KIF21A: variants seen among roughly 807,000 people sequenced by gnomAD.
The protein encoded by KIF21A is kinesin-like protein KIF21A.
Under a neutral mutation model 202.9 loss-of-function variants are expected in KIF21A, and 114 were observed. The observed-to-expected ratio is 0.56, with a 90% CI of 0.48 to 0.66. The LOEUF (loss-of-function observed/expected upper bound fraction) is 0.66. Among genes scored for constraint, KIF21A ranks in the 30% least tolerant of loss-of-function variants. The pLI is 0.00. For synonymous variants in KIF21A, 667 were observed against 670.8 expected (o/e 0.99, Z 0.09); for missense variants, 1,677 against 1,994.9 (o/e 0.84, Z 3.04).
intron 1 of KIF21A, among the ~76,000 whole-genome samples, chr12:39,415,110 G>A (rs1953440677): frequency 6.6e-6 from 1 of 151,422 alleles, no homozygotes; most frequent in Non-Finnish European, 1.5e-5. Context: ...TCTTAGGAAG[G>A]CTGTTCAACA....
Position 39,330,757 on chromosome 12 carries a change from T to C in KIF21A, c.3308A>G (p.His1103Arg). The change falls in exon 23 of 38, where the codon CAT (histidine) becomes CGT (arginine). Residue 1103 changes from histidine (H) to arginine (R), a missense_variant. This residue lies in a region of KIF21A where 705 missense variants were observed against 791.9 expected (regional missense o/e 0.89). Coordinates refer to ENST00000361418, the MANE Select transcript of KIF21A (RefSeq NM_001173464.2). ...TGAGAGCAAATTACCTTGTAAAGCA[T>C]GGCCTAGTAAAGCATCTAGCTCAGG... ...LNPELDALLG[H>R]ALQDLDSVPL... The C allele has an allele frequency of 2.5e-6, 4 of 1,613,984 alleles. No individual in the cohort carries two copies. The highest frequency in any genetic ancestry group is 3.4e-6 in the Non-Finnish European group (4 of 1,179,850).
intron 32 of KIF21A, among the ~76,000 whole-genome samples, chr12:39,310,174 C>T (rs999396438): frequency 2.0e-5 from 3 of 151,958 alleles, no homozygotes; most frequent in African/African-American, 7.2e-5. Context: ...ACACATTTTT[C>T]CCCCCAAGGG....
At chr12:39,365,890 G>T (rs1949566892) in intron 6 of KIF21A, among the ~76,000 whole-genome samples, 1 of 152,074 alleles carries the variant, frequency 6.6e-6, no homozygotes, top group Admixed American at 6.6e-5. Context: ...CTCGCCTGTG[G>T]TCCCAGCTTC....
intron 29 of KIF21A, 116 bp downstream of exon 29, chr12:39,317,957 G>A: frequency 9.4e-7 from 1 of 1,062,770 alleles, no homozygotes; most frequent in Non-Finnish European, 1.4e-6. Flanking sequence ...TATGGCAAGA[G>A]TTCACACGTC....
rs570049100 is a variant in KIF21A, at chr12:39,310,688, C to T, written c.4096+729G>A. On this transcript the variant is annotated intron_variant, in intron 32 of 37. Coordinates refer to ENST00000361418, the MANE Select transcript of KIF21A (RefSeq NM_001173464.2). The stretch of plus-strand genomic sequence containing the variant: ...CTGTAAATATCCAAACCATCCTATA[C>T]GGTACTTCCTAAATGACTCCTTGTC... 3.9e-5 allele frequency among the ~76,000 whole-genome samples: 6 copies of T among 152,174 alleles called. No homozygotes were observed. In the East Asian group the frequency reaches 7.7e-4, roughly 20 times the overall value.
chr12:39,352,362 A>G (rs1404984121), intron 10 of KIF21A, among the ~76,000 whole-genome samples: 3 of 152,194 alleles, frequency 2.0e-5, no homozygotes, highest in Non-Finnish European at 4.4e-5. Flanking sequence ...TAAACTAAAT[A>G]AAATTCTCAC....
chr12:39,337,505 C>T (rs1471016360), intron 16 of KIF21A: 2 of 327,482 alleles, frequency 6.1e-6, no homozygotes, highest in Non-Finnish European at 1.1e-5. Flanking sequence ...GATCGAATTA[C>T]TTTACCTCTC....
intron 30 of KIF21A, 57 bp from the exon 31 acceptor site, chr12:39,315,297 G>A (rs2137490964): frequency 6.6e-7 from 1 of 1,514,970 alleles, no homozygotes; most frequent in Non-Finnish European, 9.2e-7. Flanking sequence ...CAAAGAGGGA[G>A]GACATAAAAT....
chr12:39,361,526 T>C (rs1032639147), intron 7 of KIF21A, among the ~76,000 whole-genome samples: 4 of 148,444 alleles, frequency 2.7e-5, no homozygotes, highest in Non-Finnish European at 6.0e-5. Context: ...TTCTTTCTTT[T>C]TTTTTTTTTT....
At chr12:39,332,481 ACC>A in intron 20 of KIF21A, 73 bp from the exon 21 acceptor site, 1 of 499,598 alleles carries the variant, frequency 2.0e-6, no homozygotes, top group Non-Finnish European at 3.3e-6. Flanking sequence ...AAACCCCCCC[ACC>A]CCCCAAAAAA....
At chr12:39,363,064 A>C (rs1347119948) in intron 7 of KIF21A, 34 bp downstream of exon 7, 1 of 1,286,874 alleles carries the variant, frequency 7.8e-7, no homozygotes, top group Non-Finnish European at 1.1e-6. Context: ...TGAATAATCA[A>C]AAGTCTGAGT....
At chr12:39,304,354 C>A (rs1943250666) in intron 35 of KIF21A, among the ~76,000 whole-genome samples, 1 of 152,192 alleles carries the variant, frequency 6.6e-6, no homozygotes, top group African/African-American at 2.4e-5. Context: ...GCTCCCCAAA[C>A]CTACATCTCT....
intron 1 of KIF21A, among the ~76,000 whole-genome samples, chr12:39,374,101 C>T (rs1466055606): frequency 6.6e-6 from 1 of 152,112 alleles, no homozygotes; most frequent in Non-Finnish European, 1.5e-5. Flanking sequence ...ATTTTAAAAT[C>T]TCCAAATCCC....
At chr12:39,375,031 T>C (rs1293183480) in intron 1 of KIF21A, among the ~76,000 whole-genome samples, 1 of 152,152 alleles carries the variant, frequency 6.6e-6, no homozygotes, top group East Asian at 1.9e-4. Flanking sequence ...GAAAACATTA[T>C]CATGGGCTCA....
intron 11 of KIF21A, among the ~76,000 whole-genome samples, chr12:39,351,451 T>C (rs1204801881): frequency 2.0e-5 from 3 of 152,090 alleles, no homozygotes; most frequent in African/African-American, 7.2e-5. Flanking sequence ...TGAGTTGTAA[T>C]GGTACAGCAA....
In KIF21A at chr12:39,338,159, T is replaced by G. The variant is rs970243338; in HGVS notation, c.2311-956A>C. Among the ~76,000 whole-genome samples, 6 of 152,046 alleles carry G rather than the reference T, an allele frequency of 3.9e-5. No homozygotes were observed. The South Asian group carries it at 1.2e-3, about 32-fold the overall frequency. On this transcript the variant is annotated intron_variant, in intron 16 of 37. Transcript: ENST00000361418. ...CTTCCAGTGAGACAAGATGGGGAGG[T>G]GAAGACGGTGATATTGATGATCCTC...
intron 37 of KIF21A, among the ~76,000 whole-genome samples, chr12:39,298,479 TAG>T (rs145918469): frequency 0.015 from 2,280 of 152,168 alleles, 45 homozygotes; most frequent in African/African-American, 0.051. Flanking sequence ...ACCGGTATAG[TAG>T]AGAGATACCA....
In KIF21A at chr12:39,311,525, T is replaced by C. The variant is rs762576003; in HGVS notation, c.3988A>G (p.Lys1330Glu). 1.8e-5 allele frequency: 29 copies of C among 1,613,000 alleles called. No homozygotes were observed. The highest frequency in any genetic ancestry group is 2.4e-5 in the Non-Finnish European group (28 of 1,179,240). The change falls in exon 32 of 38, where the codon AAA becomes GAA. Residue 1330 changes from lysine (K) to glutamate (E), a missense_variant. By Grantham distance (56) the Lys-to-Glu change is moderately conservative. This residue lies in a region of KIF21A where 705 missense variants were observed against 791.9 expected (regional missense o/e 0.89). Coordinates refer to ENST00000361418, the MANE Select transcript of KIF21A (RefSeq NM_001173464.2). The stretch of plus-strand genomic sequence containing the variant: ...TGAAGTGGAAAAGCTCTGATTCCTT[T>C]TGAAGCAGGAAATGGGTTGATTATG... Reference protein sequence around the residue: ...RGIINPFPASKGIRAFPLQCI... With the variant: ...RGIINPFPASEGIRAFPLQCI...
At chr12:39,309,834 A>C in intron 32 of KIF21A, 68 bp from the exon 33 acceptor site, 2 of 1,246,512 alleles carry the variant, frequency 1.6e-6, no homozygotes, top group South Asian at 2.6e-5. Context: ...CTTAACAATA[A>C]AAATTATTTA....
Sources: gnomAD v4.1 joint callset for allele counts (sites outside exome capture counted in the v4.1 genomes callset) on GRCh38, gnomAD v4.1.1 for gene constraint, gnomAD v4.1.1 regional missense constraint, MANE v1.5 for transcripts, NCBI Gene and HGNC (gene_info 2026-07-23, HGNC 2026-07-21) for gene names.